RNGTT: variants seen among roughly 807,000 people sequenced by gnomAD.
RNGTT encodes the protein RNA guanylyltransferase and 5'-phosphatase.
A neutral mutation model predicts 79.3 loss-of-function variants in RNGTT; 33 were observed. The ratio of observed to expected loss-of-function variants is 0.42; its 90% CI spans 0.32 to 0.56. RNGTT has a LOEUF of 0.56. Among genes scored for constraint, RNGTT ranks in the 20% least tolerant of loss-of-function variants. RNGTT has a pLI of 0.17. For synonymous variants in RNGTT, 222 were observed against 235.9 expected, an observed-to-expected ratio of 0.94 and a Z score of 0.54; for missense variants, 497 against 739.1, an observed-to-expected ratio of 0.67 and a Z score of 3.80.
intron 14 of RNGTT, among the ~76,000 whole-genome samples, chr6:88,673,444 A>G (rs1774732262): frequency 3.9e-5 from 6 of 152,242 alleles, no homozygotes; most frequent in Admixed American, 3.9e-4. Context: ...CATTTGAACT[A>G]TGATTTTAAA....
intron 13 of RNGTT, among the ~76,000 whole-genome samples, chr6:88,704,363 A>C (rs562695712): frequency 6.6e-6 from 1 of 151,842 alleles, no homozygotes; most frequent in Non-Finnish European, 1.5e-5. Flanking sequence ...TTTAATTACC[A>C]GAGTAATACC....
At chr6:88,849,985 A>C (rs1029377721) in intron 9 of RNGTT, among the ~76,000 whole-genome samples, 159 bp from the exon 10 acceptor site, 2 of 152,006 alleles carry the variant, frequency 1.3e-5, no homozygotes, top group East Asian at 3.9e-4. Context: ...ATATCAATAA[A>C]CTGTTAGCCC....
At chr6:88,722,215 T>A (rs1243014770) in intron 13 of RNGTT, among the ~76,000 whole-genome samples, 16 of 151,838 alleles carry the variant, frequency 1.1e-4, no homozygotes. Context: ...AGATCTACCA[T>A]CTAGTCACTT....
intron 9 of RNGTT, among the ~76,000 whole-genome samples, chr6:88,851,154 A>T (rs1170696860): frequency 6.6e-6 from 1 of 151,800 alleles, no homozygotes; most frequent in Non-Finnish European, 1.5e-5. Flanking sequence ...TGAATTTCAT[A>T]GTATGTAAAT....
intron 11 of RNGTT, among the ~76,000 whole-genome samples, chr6:88,826,799 A>T (rs9451091): frequency 0.08 from 10,119 of 126,700 alleles, 954 homozygotes; most frequent in African/African-American, 0.23. Flanking sequence ...AAAAAAAAAA[A>T]ATATATATAT....
At chr6:88,801,822 GACACACACACACACACACACAC>G (rs56124919) in intron 11 of RNGTT, among the ~76,000 whole-genome samples, 190 bp from the exon 12 acceptor site, 1 of 123,174 alleles carries the variant, frequency 8.1e-6, no homozygotes, top group Non-Finnish European at 1.8e-5. Flanking sequence ...CACACACACA[GACACACACACACACACACACAC>G]ACACACACAC....
In RNGTT at chr6:88,611,781, C is replaced by G. The variant is rs1255515569; in HGVS notation, c.*938G>C. ...AATCAAAGAAGTTAGCTGGCATTCC[C>G]TTTGCTGTTTTGTTCGAGAGAAGGA... On this transcript the variant is annotated 3_prime_UTR_variant, in exon 16 of 16. Transcript: ENST00000369485. 1 of 152,632 alleles carries G rather than the reference C, an allele frequency of 6.6e-6. No individual in the cohort carries two copies. Among genetic ancestry groups the G allele is most frequent in the Non-Finnish European group, 1.5e-5 (1 of 68,042 alleles). 9.5% of individuals were successfully genotyped at this position (152,632 alleles called of 1,614,324 possible). A position where few individuals can be genotyped will look rare whatever the true frequency, so the allele number is the denominator to read the frequency against.
intron 13 of RNGTT, chr6:88,714,493 A>G (rs867678847): frequency 1.2e-5 from 1 of 85,674 alleles, no homozygotes; most frequent in Non-Finnish European, 1.9e-5. Flanking sequence ...CCCAGGCTGG[A>G]GTGCAGTGGC....
intron 13 of RNGTT, among the ~76,000 whole-genome samples, chr6:88,734,187 G>GA (rs1203451980): frequency 6.6e-6 from 1 of 151,916 alleles, no homozygotes; most frequent in African/African-American, 2.4e-5. Context: ...TGAAAGGGAG[G>GA]AACTGAGATA....
chr6:88,812,084 T>C (rs910666579), intron 11 of RNGTT, among the ~76,000 whole-genome samples: 2 of 152,216 alleles, frequency 1.3e-5, no homozygotes, highest in Admixed American at 6.5e-5. Context: ...TTCTTGCTCA[T>C]CACAAAGCCA....
chr6:88,900,147 C>T lies in RNGTT; in HGVS notation c.684+4568G>A, dbSNP rs1381820822. On this transcript the variant is annotated intron_variant, in intron 6 of 15. Coordinates refer to ENST00000369485, the MANE Select transcript of RNGTT (RefSeq NM_003800.5). The stretch of plus-strand genomic sequence containing the variant: ...ACTCAAATATGCAAAAAAAAAAAAA[C>T]TATAATTGACTAGATATCAAAAGGA... Among the ~76,000 whole-genome samples the T allele has an allele frequency of 4.4e-5, 6 of 137,678 alleles. No individual in the cohort carries two copies. The South Asian group carries it at 1.4e-3, about 32-fold the overall frequency. The allele number at this position is 137,678 out of a possible 152,430, so 90.3% of individuals were successfully genotyped here.
In RNGTT at chr6:88,804,917, T is replaced by C. The variant is rs533805467; in HGVS notation, c.1270-3285A>G. ...AGCTACAAGTACTGGTTGACTAATG[T>C]TAAGAAAATGCTTTTTCCCCTCATT... On this transcript the variant is annotated intron_variant, in intron 11 of 15. Transcript: ENST00000369485. Among the ~76,000 whole-genome samples, 8 of 152,304 alleles carry C rather than the reference T, an allele frequency of 5.3e-5. No homozygotes were observed. In the East Asian group the frequency reaches 1.2e-3, roughly 22 times the overall value.
intron 9 of RNGTT, among the ~76,000 whole-genome samples, chr6:88,852,493 C>T (rs1200644780): frequency 6.6e-6 from 1 of 152,056 alleles, no homozygotes; most frequent in African/African-American, 2.4e-5. Context: ...TACTATACAA[C>T]CCCAAGGGTA....
intron 13 of RNGTT, among the ~76,000 whole-genome samples, chr6:88,695,080 T>A (rs988728133): frequency 4.0e-5 from 6 of 151,850 alleles, no homozygotes; most frequent in African/African-American, 9.7e-5. Context: ...AAAAAATAGA[T>A]CAAAAACTAC....
At chr6:88,737,662 T>C (rs1184936256) in intron 13 of RNGTT, among the ~76,000 whole-genome samples, 1 of 152,074 alleles carries the variant, frequency 6.6e-6, no homozygotes, top group African/African-American at 2.4e-5. Flanking sequence ...GTTTTCCTCC[T>C]CCCCTTGTGC....
rs1036829487 is a variant in RNGTT, at chr6:88,816,411, T to A, written c.1270-14779A>T. 4.6e-5 allele frequency among the ~76,000 whole-genome samples: 7 copies of A among 152,046 alleles called. No homozygotes were observed. The South Asian group carries it at 8.3e-4, about 18-fold the overall frequency. On this transcript the variant is annotated intron_variant, in intron 11 of 15. Transcript: ENST00000369485. ...GCACTTATAGTCCCTAGGCTAAGACTAAGAATTCTAAGAACACGCAAAAAG... is the reference window on the plus strand; with the variant it reads ...GCACTTATAGTCCCTAGGCTAAGACAAAGAATTCTAAGAACACGCAAAAAG...
intron 11 of RNGTT, among the ~76,000 whole-genome samples, chr6:88,826,110 G>A (rs1484784719): frequency 1.3e-5 from 2 of 152,110 alleles, no homozygotes; most frequent in African/African-American, 4.8e-5. Flanking sequence ...AATCACAGTT[G>A]ATTTCATGTA....
chr6:88,935,723 T>C (rs1019919803), intron 2 of RNGTT, among the ~76,000 whole-genome samples: 1 of 152,182 alleles, frequency 6.6e-6, no homozygotes, highest in Non-Finnish European at 1.5e-5. Context: ...TTCTATTTGT[T>C]TGTGTTCCAT....
At chr6:88,790,750 G>A in intron 12 of RNGTT, among the ~76,000 whole-genome samples, 1 of 152,138 alleles carries the variant, frequency 6.6e-6, no homozygotes, top group East Asian at 1.9e-4. Flanking sequence ...TTAAAGCTGA[G>A]TTCATCAGAA....
Sources: gnomAD v4.1 joint callset for allele counts (sites outside exome capture counted in the v4.1 genomes callset) on GRCh38, gnomAD v4.1.1 for gene constraint, MANE v1.5 for transcripts, NCBI Gene and HGNC (gene_info 2026-07-23, HGNC 2026-07-21) for gene names.